DAB2IP: variants seen among roughly 807,000 people sequenced by gnomAD.
The protein encoded by DAB2IP is disabled homolog 2-interacting protein.
In DAB2IP, 28 loss-of-function variants were observed where a neutral mutation model predicts 107.2. That is an observed-to-expected ratio of 0.26 (90% CI 0.19 to 0.36). The LOEUF (loss-of-function observed/expected upper bound fraction) is 0.36, where lower values mean the gene tolerates loss of function less well. Among genes scored for constraint, DAB2IP ranks in the 10% least tolerant of loss-of-function variants. DAB2IP has a pLI of 1.00. For missense variants in DAB2IP, 1,400 were observed against 1,644.7 expected (o/e 0.85, Z 2.57); for synonymous variants, 755 against 706.4 (o/e 1.07, Z -1.09).
exon 12 of DAB2IP, chr9:121,773,183 GCCCGGTGAGCTGGCACGGCGA>G: frequency 6.3e-7 from 1 of 1,592,534 alleles, no homozygotes; most frequent in Admixed American, 1.7e-5. Flanking sequence ...TGGCTCGGCG[GCCCGGTGAGCTGGCACGGCGA>G]CAGATGTCAC....
intron 1 of DAB2IP, among the ~76,000 whole-genome samples, chr9:121,623,780 T>C (rs1403491782): frequency 1.3e-5 from 2 of 152,150 alleles, no homozygotes; most frequent in Admixed American, 6.5e-5. Context: ...CTCCGCCTCC[T>C]GGGTCCAAGT....
chr9:121,707,760 T>C (rs952562348), intron 3 of DAB2IP, among the ~76,000 whole-genome samples: 4 of 152,302 alleles, frequency 2.6e-5, no homozygotes, highest in East Asian at 3.9e-4. Flanking sequence ...AATCAGAACG[T>C]TGTATTGCAG....
intron 1 of DAB2IP, among the ~76,000 whole-genome samples, chr9:121,675,645 C>T (rs928774563): frequency 2.9e-4 from 44 of 152,216 alleles, no homozygotes; most frequent in African/African-American, 9.9e-4. Flanking sequence ...GCCATGGACT[C>T]GGTCCAGACA....
At chr9:121,779,747 T>C (rs1386489493) in intron 14 of DAB2IP, among the ~76,000 whole-genome samples, 1 of 152,234 alleles carries the variant, frequency 6.6e-6, no homozygotes, top group African/African-American at 2.4e-5. Flanking sequence ...TGACGGTTCT[T>C]GCCTAGCCTG....
rs1225238472 is a variant in DAB2IP, at chr9:121,579,201, G to A, written c.40+11973G>A. Among the ~76,000 whole-genome samples the A allele has an allele frequency of 2.0e-5, 3 of 152,290 alleles. No individual in the cohort carries two copies. The East Asian group carries it at 5.8e-4, about 29-fold the overall frequency. ...TACTCCTGTCACAGGTTATTGAGAG[G>A]AGTAACACTGTTCATGCTTATTTAA... On this transcript the variant is annotated intron_variant, in intron 1 of 16. Coordinates refer to the DAB2IP transcript ENST00000259371.
Position 121,699,563 on chromosome 9 carries a change from G to A in DAB2IP, c.362+105G>A, listed in dbSNP as rs1172665219. 5 of 1,045,116 alleles carry A rather than the reference G, an allele frequency of 4.8e-6. No individual in the cohort carries two copies. In the East Asian group the frequency reaches 2.5e-4, roughly 52 times the overall value. 64.7% of individuals were successfully genotyped at this position (1,045,116 alleles called of 1,614,324 possible). On this transcript the variant is annotated intron_variant, in intron 3 of 15. Transcript: ENST00000408936. This position sits in a 1 kb window ranked among gnomAD's most constrained non-coding sequence, Gnocchi z 6.2. ...CCCGGCCCGGGGCGAGCCACACGGC[G>A]GTGGGGGGACCCCACGCCGCCCGCC...
intron 1 of DAB2IP, among the ~76,000 whole-genome samples, chr9:121,645,080 C>T (rs1220076111): frequency 6.6e-6 from 1 of 152,194 alleles, no homozygotes; most frequent in Non-Finnish European, 1.5e-5. Flanking sequence ...GCTGTCTGGG[C>T]CCTTACTGAA....
chr9:121,764,376 C>T (rs1564213264), intron 8 of DAB2IP, among the ~76,000 whole-genome samples: 1 of 152,234 alleles, frequency 6.6e-6, no homozygotes. Context: ...ACGGGGTCTG[C>T]AGACTCTGCC....
intron 3 of DAB2IP, among the ~76,000 whole-genome samples, chr9:121,716,832 T>A (rs1195137875): frequency 6.6e-6 from 1 of 152,194 alleles, no homozygotes; most frequent in Non-Finnish European, 1.5e-5. Flanking sequence ...GCCACACGTT[T>A]CCCATGGTCA....
intron 5 of DAB2IP, among the ~76,000 whole-genome samples, chr9:121,759,420 G>A (rs971405823): frequency 2.6e-5 from 4 of 152,274 alleles, no homozygotes; most frequent in African/African-American, 9.6e-5. Flanking sequence ...TTAGGTCCTG[G>A]GAGCCCCCAC....
intron 1 of DAB2IP, among the ~76,000 whole-genome samples, chr9:121,642,186 T>G (rs1253381561): frequency 6.6e-6 from 1 of 151,036 alleles, no homozygotes; most frequent in Admixed American, 6.6e-5. Context: ...GCTCAAGCAA[T>G]CCTCTCACCT....
rs1276592262 is a variant in DAB2IP at position 121,699,246 on chromosome 9, C to A, written c.229-79C>A. The A allele has an allele frequency of 8.7e-6, 10 of 1,145,618 alleles. No homozygotes were observed. The South Asian group carries it at 1.4e-4, about 16-fold the overall frequency. The allele number at this position is 1,145,618 out of a possible 1,614,324, so 71.0% of individuals were successfully genotyped here. ...GCCGCGCGGCCGCCCAGCAAGGGTG[C>A]GGGTCCCGCGCGGGTCCCGGCCCGC... On this transcript the variant is annotated intron_variant, in intron 2 of 15. Coordinates refer to ENST00000408936, the Ensembl canonical transcript of DAB2IP. The surrounding 1 kb of genome is among the most constrained non-coding windows in gnomAD (Gnocchi z 6.2).
chr9:121,687,477 A>C (rs1442475005), intron 2 of DAB2IP, among the ~76,000 whole-genome samples: 1 of 152,178 alleles, frequency 6.6e-6, no homozygotes, highest in African/African-American at 2.4e-5. Context: ...TTGATGGGTT[A>C]TAGGCACCTG....
At chr9:121,687,586 C>T (rs1333518288) in intron 2 of DAB2IP, among the ~76,000 whole-genome samples, 2 of 152,156 alleles carry the variant, frequency 1.3e-5, no homozygotes, top group Non-Finnish European at 2.9e-5. Flanking sequence ...GGCCTGGGTT[C>T]GAATCCCAGC....
intron 3 of DAB2IP, chr9:121,752,105 C>T: frequency 4.6e-6 from 4 of 862,682 alleles, no homozygotes; most frequent in Non-Finnish European, 5.6e-6. Context: ...AGCCTCCTAA[C>T]CTTGAGAGGG....
intron 1 of DAB2IP, among the ~76,000 whole-genome samples, chr9:121,567,668 T>C (rs1829839735): frequency 6.6e-6 from 1 of 152,180 alleles, no homozygotes; most frequent in Non-Finnish European, 1.5e-5. Flanking sequence ...CCAGGGCTCA[T>C]GCTGAAAGCA....
At chr9:121,682,129 C>T (rs1396077974) in intron 2 of DAB2IP, among the ~76,000 whole-genome samples, 6 of 152,310 alleles carry the variant, frequency 3.9e-5, no homozygotes, top group African/African-American at 1.4e-4. Context: ...CTGTGCAGGG[C>T]CAGAAGCACC....
intron 3 of DAB2IP, among the ~76,000 whole-genome samples, chr9:121,753,482 A>C (rs1833272650): frequency 6.6e-6 from 1 of 152,124 alleles, no homozygotes; most frequent in Non-Finnish European, 1.5e-5. Context: ...GGGCTGGGGG[A>C]CGGCAGAAGC....
chr9:121,781,482 A>G, exon 15 of DAB2IP: 1 of 1,614,050 alleles, frequency 6.2e-7, no homozygotes, highest in Non-Finnish European at 8.5e-7. Context: ...CCGTGGAGGA[A>G]GAACTGAAGA....
Sources: gnomAD v4.1 joint callset for allele counts (sites outside exome capture counted in the v4.1 genomes callset) on GRCh38, gnomAD v4.1.1 for gene constraint, Gnocchi (gnomAD v3.1) non-coding constraint, MANE v1.5 for transcripts, NCBI Gene and HGNC (gene_info 2026-07-23, HGNC 2026-07-21) for gene names.